ABLIM3: variants seen among roughly 807,000 people sequenced by gnomAD.
ABLIM3 encodes actin binding LIM protein family member 3.
A neutral mutation model predicts 109.5 loss-of-function variants in ABLIM3; 61 were observed. The ratio of observed to expected loss-of-function variants is 0.56; its 90% CI spans 0.45 to 0.69. ABLIM3 has a LOEUF of 0.69. Ranked by LOEUF, ABLIM3 falls within the 30% of genes least tolerant of loss-of-function variation. ABLIM3 has a pLI of 0.00. For missense variants in ABLIM3, 796 were observed against 889.5 expected, an observed-to-expected ratio of 0.89 and a Z score of 1.34; for synonymous variants, 300 against 324.8, an observed-to-expected ratio of 0.92 and a Z score of 0.82.
chr5:149,206,921 G>A, intron 5 of ABLIM3, 87 bp from the exon 6 acceptor site: 5 of 1,530,280 alleles, frequency 3.3e-6, no homozygotes, highest in Non-Finnish European at 4.4e-6. Flanking sequence ...CTGGCATTCA[G>A]GGAGGGGTTT....
intron 2 of ABLIM3, among the ~76,000 whole-genome samples, chr5:149,167,998 A>G (rs897961990): frequency 6.6e-6 from 1 of 152,212 alleles, no homozygotes; most frequent in African/African-American, 2.4e-5. Flanking sequence ...TGTCTTGTGC[A>G]TTGTAGAATG....
chr5:149,183,403 T>C (rs1481673799), intron 2 of ABLIM3, 49 bp from the exon 3 acceptor site: 1 of 1,468,350 alleles, frequency 6.8e-7, no homozygotes, highest in Non-Finnish European at 9.0e-7. Flanking sequence ...CAGCAGACTT[T>C]GTAAAGAATC....
chr5:149,205,845 C>T (rs1758913614), intron 5 of ABLIM3, among the ~76,000 whole-genome samples: 1 of 152,130 alleles, frequency 6.6e-6, no homozygotes, highest in South Asian at 2.1e-4. Context: ...AACACTTCAT[C>T]AAGGCCCCAG....
intron 5 of ABLIM3, 83 bp from the exon 6 acceptor site, chr5:149,206,925 G>A: frequency 6.5e-7 from 1 of 1,536,938 alleles, no homozygotes; most frequent in Middle Eastern, 1.7e-4. Flanking sequence ...CATTCAGGGA[G>A]GGGTTTCCTT....
rs114183304 is a variant in ABLIM3 at position 149,207,114 on chromosome 5, C to T, written c.555C>T (p.Leu185=). The T allele has an allele frequency of 6.4e-4, 1,038 of 1,613,912 alleles. 10 individuals are homozygous for T. The African/African-American group carries it at 0.011, about 18-fold the overall frequency. The change falls in exon 6 of 24, where the codon CTC becomes CTT. Residue 185 remains leucine (L), a synonymous_variant. Coordinates refer to ENST00000309868, the MANE Select transcript of ABLIM3 (RefSeq NM_014945.5). ...CFKCQTCSVI[L]TGEYISKDGV... ...AGTGCCAGACCTGCAGCGTCATCCT[C>T]ACCGGGGAGTATATCAGCAAGTGGG...
intron 7 of ABLIM3, among the ~76,000 whole-genome samples, chr5:149,215,967 C>G (rs998139487): frequency 6.6e-6 from 1 of 152,178 alleles, no homozygotes; most frequent in Non-Finnish European, 1.5e-5. Flanking sequence ...TTTCTTCCCC[C>G]CATGGAAGTC....
At chr5:149,248,066 C>T (rs1459787971) in intron 18 of ABLIM3, 137 bp downstream of exon 18, 2 of 1,145,306 alleles carry the variant, frequency 1.7e-6, no homozygotes, top group Non-Finnish European at 2.4e-6. Context: ...TCACAGCAGC[C>T]CTGTGGTGGG....
intron 2 of ABLIM3, among the ~76,000 whole-genome samples, chr5:149,169,101 T>TGA (rs1755124434): frequency 5.6e-4 from 19 of 33,984 alleles, no homozygotes; most frequent in Admixed American, 2.6e-3. Context: ...CCACCCCCCG[T>TGA]CTCACCCTAA....
intron 2 of ABLIM3, among the ~76,000 whole-genome samples, chr5:149,161,913 T>C (rs1433636906): frequency 1.3e-5 from 2 of 151,548 alleles, no homozygotes; most frequent in African/African-American, 4.9e-5. Flanking sequence ...TGTATGTGTA[T>C]GTGTGTGTGT....
intron 3 of ABLIM3, among the ~76,000 whole-genome samples, chr5:149,188,334 C>A (rs1757167192): frequency 6.6e-6 from 1 of 151,906 alleles, no homozygotes. Context: ...AGATCAAATA[C>A]CAAAATCAAT....
At chr5:149,148,128 TA>T (rs1038606764) in intron 2 of ABLIM3, among the ~76,000 whole-genome samples, 20 of 152,250 alleles carry the variant, frequency 1.3e-4, no homozygotes, top group South Asian at 4.1e-4. Context: ...TTTTTACTAA[TA>T]AAAAAATGCT....
rs750610592 is a variant in ABLIM3 at position 149,198,318 on chromosome 5, G to A, written c.251G>A (p.Ser84Asn). The A allele has an allele frequency of 6.8e-6, 11 of 1,614,232 alleles. No individual in the cohort carries two copies. The highest frequency in any genetic ancestry group is 3.3e-5 in the Admixed American group (2 of 60,026). The change falls in exon 4 of 24, where the codon AGC becomes AAC. Residue 84 changes from serine to asparagine, a missense_variant. Coordinates refer to ENST00000309868, the MANE Select transcript of ABLIM3 (RefSeq NM_014945.5). The surrounding 1 kb of genome is among the most constrained non-coding windows in gnomAD (Gnocchi z 4.2). ...YQQLYGTRCD[S>N]CRDFITGEVI... ...CAACTCTATGGCACCCGCTGTGACA[G>A]CTGCCGGGACTTCATCACAGGCGAA... is the stretch of plus-strand genomic sequence containing the variant.
chr5:149,162,344 G>C (rs1369956540), intron 2 of ABLIM3, among the ~76,000 whole-genome samples: 2 of 152,056 alleles, frequency 1.3e-5, no homozygotes, highest in Non-Finnish European at 2.9e-5. Context: ...GTTCATTGTG[G>C]GTCTAGTGTC....
At chr5:149,177,024 C>T (rs958182690) in intron 2 of ABLIM3, 1 of 152,230 alleles carries the variant, frequency 6.6e-6, no homozygotes, top group African/African-American at 2.4e-5. Context: ...TGGGTCTCAG[C>T]TTTCTCATCT....
intron 2 of ABLIM3, among the ~76,000 whole-genome samples, chr5:149,155,630 G>C (rs1280341409): frequency 6.6e-6 from 1 of 152,118 alleles, no homozygotes; most frequent in Non-Finnish European, 1.5e-5. Context: ...AGTCTAGATG[G>C]GCTTACTCAT....
rs115678989 is a variant in ABLIM3, at chr5:149,169,552, A to T, written c.14-13900A>T. On this transcript the variant is annotated intron_variant, in intron 2 of 23. Transcript: ENST00000309868. ...AGATTACTGGGATCAATTTTCGCCA[A>T]ACAAGATTCCCTCCCCAAGTCAGGA... is the stretch of plus-strand genomic sequence containing the variant. 4.0e-3 allele frequency among the ~76,000 whole-genome samples: 609 copies of T among 152,292 alleles called. 2 individuals are homozygous for T. Among genetic ancestry groups the T allele is most frequent in the African/African-American group, 0.014 (589 of 41,568 alleles).
intron 2 of ABLIM3, among the ~76,000 whole-genome samples, 179 bp from the exon 3 acceptor site, chr5:149,183,273 C>T (rs76697917): frequency 0.062 from 9,437 of 152,256 alleles, 705 homozygotes; most frequent in African/African-American, 0.18. Flanking sequence ...ATGGACATGT[C>T]TCATACCACT....
intron 11 of ABLIM3, 96 bp downstream of exon 11, chr5:149,237,699 A>G: frequency 6.7e-7 from 1 of 1,500,104 alleles, no homozygotes; most frequent in Non-Finnish European, 9.0e-7. Flanking sequence ...TGGCCTCCAC[A>G]ATGCTGGCTC....
At position 149,247,769 on chromosome 5, in the gene ABLIM3, C is replaced by T. The variant is rs1350201755; in HGVS notation, c.1552-13C>T. The T allele has an allele frequency of 6.2e-7, 1 of 1,614,208 alleles. No homozygotes were observed. Among genetic ancestry groups the T allele is most frequent in the Non-Finnish European group, 8.5e-7 (1 of 1,180,038 alleles). ...TTCCTTCTAACTTTATCTTGCTCTT[C>T]CCCGACCCTCAGCTCCAAAGTGGAA... On this transcript the variant is annotated splice_polypyrimidine_tract_variant and intron_variant, in intron 17 of 23. Coordinates refer to ENST00000309868, the MANE Select transcript of ABLIM3 (RefSeq NM_014945.5).
Sources: allele counts gnomAD v4.1 joint callset (sites outside exome capture counted in the v4.1 genomes callset), GRCh38; gene constraint gnomAD v4.1.1; non-coding constraint Gnocchi (gnomAD v3.1); transcripts MANE v1.5; gene names NCBI Gene and HGNC (gene_info 2026-07-23, HGNC 2026-07-21).